Variants in PCDH15 observed in about 807,000 individuals in gnomAD.
PCDH15 encodes the protein protocadherin-15.
Under a neutral mutation model 178.5 loss-of-function variants are expected in PCDH15, and 129 were observed. That is an observed-to-expected ratio of 0.72 (90% CI 0.63 to 0.84). The LOEUF (loss-of-function observed/expected upper bound fraction) is 0.84, where lower values mean the gene tolerates loss of function less well. Ranked by LOEUF, PCDH15 falls within the 40% of genes least tolerant of loss-of-function variation. The pLI is 0.00. For missense variants in PCDH15, 2,230 were observed against 2,099.9 expected (o/e 1.06, Z -1.21); for synonymous variants, 800 against 732.0 (o/e 1.09, Z -1.50).
In PCDH15 at chr10:55,272,368, TTATTTA is replaced by T. The variant is rs1842467701; in HGVS notation, c.-156+47225_-156+47230del. ...TTATTGTGCCTTATTTTATTTTTAT[TTATTTA>T]TATTTATATTTATTTAATTTTATTT... On this transcript the variant is annotated intron_variant, in intron 1 of 5. Transcript: ENST00000458638. Among the ~76,000 whole-genome samples, 4 of 150,156 alleles carry T rather than the reference TTATTTA, an allele frequency of 2.7e-5. 1 individual carries two copies. The highest frequency in any genetic ancestry group is 9.7e-5 in the African/African-American group (4 of 41,086).
At chr10:55,447,103 G>T (rs955783096) in intron 2 of PCDH15, among the ~76,000 whole-genome samples, 2 of 152,006 alleles carry the variant, frequency 1.3e-5, no homozygotes, top group East Asian at 3.9e-4. Context: ...TAATAATAAT[G>T]ATTATAATAA....
At chr10:54,853,318 TACATACACACAC>T (rs1953671302) in intron 3 of PCDH15, among the ~76,000 whole-genome samples, 7 of 101,998 alleles carry the variant, frequency 6.9e-5, no homozygotes, top group African/African-American at 8.6e-5. Flanking sequence ...TATATATATA[TACATACACACAC>T]ATATACATAT....
intron 3 of PCDH15, among the ~76,000 whole-genome samples, chr10:54,439,930 G>A (rs143390856): frequency 4.3e-4 from 65 of 152,094 alleles, no homozygotes; most frequent in African/African-American, 8.2e-4. Context: ...TATGAACTAC[G>A]AATAGATTTA....
At chr10:55,499,745 T>C (rs1840614341) in intron 2 of PCDH15, among the ~76,000 whole-genome samples, 1 of 151,746 alleles carries the variant, frequency 6.6e-6, no homozygotes, top group Non-Finnish European at 1.5e-5. Context: ...CAAGTTAAAA[T>C]AAAACTCTTC....
chr10:53,962,290 A>T lies in PCDH15; in HGVS notation c.2869-398T>A, dbSNP rs140437073. ...AGTGGCATCACCATAGTTCCCCATA[A>T]CCTCAAAACTTCTGGTTTCAAGTGT... On this transcript the variant is annotated intron_variant, in intron 21 of 37. Transcript: ENST00000644397. Among the ~76,000 whole-genome samples the T allele has an allele frequency of 3.9e-5, 6 of 152,096 alleles. No homozygotes were observed. In the East Asian group the frequency reaches 5.8e-4, roughly 15 times the overall value.
chr10:54,435,380 A>T (rs778671755), intron 3 of PCDH15, among the ~76,000 whole-genome samples: 5 of 152,196 alleles, frequency 3.3e-5, no homozygotes, highest in Admixed American at 6.5e-5. Context: ...GCTTCACCAC[A>T]TGACCCAGAT....
At chr10:53,927,980 G>A (rs941095374) in intron 25 of PCDH15, among the ~76,000 whole-genome samples, 1 of 152,032 alleles carries the variant, frequency 6.6e-6, no homozygotes, top group Non-Finnish European at 1.5e-5. Context: ...AAACAATGTA[G>A]AAAGGACATT....
intron 2 of PCDH15, among the ~76,000 whole-genome samples, chr10:55,511,662 T>C (rs1054893506): frequency 6.6e-6 from 1 of 152,060 alleles, no homozygotes; most frequent in African/African-American, 2.4e-5. Context: ...GTCTGATGTA[T>C]TTCTCTCCTC....
chr10:54,312,289 G>T (rs1295242177), intron 8 of PCDH15, among the ~76,000 whole-genome samples: 5 of 152,076 alleles, frequency 3.3e-5, no homozygotes, highest in Admixed American at 2.6e-4. Flanking sequence ...TATACCTAGT[G>T]TTCTAGAATG....
chr10:54,117,224 GC>G (rs1311540999), intron 15 of PCDH15, among the ~76,000 whole-genome samples: 1 of 152,176 alleles, frequency 6.6e-6, no homozygotes, highest in South Asian at 2.1e-4. Flanking sequence ...ACTGAGCACA[GC>G]CAGGCACACT....
chr10:54,019,959 A>C (rs769337301), intron 20 of PCDH15, among the ~76,000 whole-genome samples: 1 of 152,108 alleles, frequency 6.6e-6, no homozygotes, highest in African/African-American at 2.4e-5. Context: ...TCAAATTTCC[A>C]TGGTCTTTGT....
intron 2 of PCDH15, among the ~76,000 whole-genome samples, chr10:55,500,781 C>A (rs187116434): frequency 6.6e-6 from 1 of 151,882 alleles, no homozygotes; most frequent in African/African-American, 2.4e-5. Context: ...AGTTAGAATG[C>A]TGTCTGTAGT....
chr10:55,283,510 G>A (rs997090269), intron 1 of PCDH15, among the ~76,000 whole-genome samples: 8 of 151,510 alleles, frequency 5.3e-5, no homozygotes, highest in African/African-American at 1.5e-4. Context: ...TCAAGGCAGC[G>A]GGCAAGGAAA....
Position 55,502,100 on chromosome 10 carries a change from T to A in PCDH15, c.-156+125525A>T, listed in dbSNP as rs75450914. On this transcript the variant is annotated intron_variant, in intron 2 of 5. Transcript: ENST00000613346. ...AAGAAAACCCTCTCCTAAGTAAAAA[T>A]TAATTTTAAGCAGTGACTACCTTAC... Among the ~76,000 whole-genome samples, 711 of 151,798 alleles carry A rather than the reference T, an allele frequency of 4.7e-3. 5 individuals carry two copies. Among genetic ancestry groups the A allele is most frequent in the African/African-American group, 0.016 (678 of 41,486 alleles).
intron 2 of PCDH15, among the ~76,000 whole-genome samples, chr10:55,454,069 TC>T (rs1839494273): frequency 6.6e-6 from 1 of 152,132 alleles, no homozygotes; most frequent in Admixed American, 6.5e-5. Flanking sequence ...AAGAAATGAT[TC>T]CGTTGACCAG....
At chr10:54,105,681 C>T (rs1360452981) in intron 15 of PCDH15, among the ~76,000 whole-genome samples, 3 of 152,064 alleles carry the variant, frequency 2.0e-5, no homozygotes, top group African/African-American at 7.2e-5. Context: ...TGGAAACACC[C>T]TCACAGACAC....
intron 24 of PCDH15, among the ~76,000 whole-genome samples, chr10:53,939,240 C>G (rs938384770): frequency 6.6e-6 from 1 of 152,038 alleles, no homozygotes; most frequent in African/African-American, 2.4e-5. Flanking sequence ...ATTTGGGAAA[C>G]ACTGAATAAT....
intron 27 of PCDH15, among the ~76,000 whole-genome samples, 153 bp downstream of exon 27, chr10:53,866,489 C>T (rs2079460982): frequency 6.7e-6 from 1 of 148,168 alleles, no homozygotes; most frequent in Admixed American, 6.8e-5. Context: ...TTTACATATT[C>T]CTAAACTATA....
intron 14 of PCDH15, among the ~76,000 whole-genome samples, chr10:54,152,322 A>T (rs1014517262): frequency 6.6e-6 from 1 of 152,174 alleles, no homozygotes; most frequent in Non-Finnish European, 1.5e-5. Flanking sequence ...CATTGTCAAT[A>T]AAAGAGGATA....
Sources: allele counts gnomAD v4.1 joint callset (sites outside exome capture counted in the v4.1 genomes callset), GRCh38; gene constraint gnomAD v4.1.1; transcripts MANE v1.5; gene names NCBI Gene and HGNC (gene_info 2026-07-23, HGNC 2026-07-21).